The following SSX2IP variants were observed in gnomAD, a reference collection of about 807,000 sequenced individuals.
SSX2IP encodes afadin- and alpha-actinin-binding protein.
In SSX2IP, 55 loss-of-function variants were observed where a neutral mutation model predicts 84.9. That is an observed-to-expected ratio of 0.65 (90% confidence interval 0.52 to 0.81). SSX2IP has a LOEUF of 0.81. Among genes scored for constraint, SSX2IP ranks in the 30% least tolerant of loss-of-function variants. The pLI is 0.00. For synonymous variants in SSX2IP, 239 were observed against 234.7 expected (o/e 1.02, Z -0.17); for missense variants, 664 against 705.2 (o/e 0.94, Z 0.66).
chr1:84,668,195 G>GA (rs1255349248), intron 4 of SSX2IP, among the ~76,000 whole-genome samples: 1 of 152,098 alleles, frequency 6.6e-6, no homozygotes, highest in African/African-American at 2.4e-5. Flanking sequence ...ACCACTCCTT[G>GA]AAGTAAAGGC....
chr1:84,665,238 T>C (rs1338636769), intron 5 of SSX2IP, among the ~76,000 whole-genome samples: 1 of 152,162 alleles, frequency 6.6e-6, no homozygotes, highest in African/African-American at 2.4e-5. Context: ...CGTTTAAATA[T>C]AATCAACAGA....
intron 1 of SSX2IP, 74 bp from the exon 2 acceptor site, chr1:84,671,382 A>G (rs1175550005): frequency 2.3e-6 from 3 of 1,285,252 alleles, no homozygotes; most frequent in Non-Finnish European, 3.0e-6. Flanking sequence ...ATGCTTAAGA[A>G]TTAGTTGTAT....
chr1:84,688,167 C>A (rs1656052666), intron 1 of SSX2IP, among the ~76,000 whole-genome samples: 1 of 152,172 alleles, frequency 6.6e-6, no homozygotes, highest in African/African-American at 2.4e-5. Context: ...CATTGGCCCA[C>A]AATCAAAAGG....
intron 1 of SSX2IP, among the ~76,000 whole-genome samples, chr1:84,673,253 C>A (rs2102463763): frequency 6.6e-6 from 1 of 152,220 alleles, no homozygotes; most frequent in Admixed American, 6.5e-5. Flanking sequence ...GCATCTAGAT[C>A]AGTGAGAAAA....
chr1:84,667,617 A>G (rs746949470), intron 4 of SSX2IP, among the ~76,000 whole-genome samples: 129 of 152,060 alleles, frequency 8.5e-4, no homozygotes, highest in African/African-American at 3.0e-3. Flanking sequence ...CTTTTACACC[A>G]TCAGGAGATG....
intron 11 of SSX2IP, among the ~76,000 whole-genome samples, chr1:84,654,315 A>G (rs1202953850): frequency 6.6e-6 from 1 of 152,200 alleles, no homozygotes; most frequent in East Asian, 1.9e-4. Context: ...TAACACAGGT[A>G]TATTACAATC....
At chr1:84,683,016 G>C (rs985389824) in intron 1 of SSX2IP, among the ~76,000 whole-genome samples, 1 of 152,056 alleles carries the variant, frequency 6.6e-6, no homozygotes, top group Non-Finnish European at 1.5e-5. Flanking sequence ...CTGAAGCCTG[G>C]AGTTTTCTTG....
At position 84,643,913 on chromosome 1, in the gene SSX2IP, T is replaced by C. The variant is rs1303509985; in HGVS notation, c.*3520A>G. On this transcript the variant is annotated 3_prime_UTR_variant, in exon 14 of 14. Coordinates refer to ENST00000342203, the MANE Select transcript of SSX2IP (RefSeq NM_001166293.2). ...AAAAAAACCTCAACCAGTCATTTGA[T>C]TTCATATAAATCAAATAATTTAATC... The C allele has an allele frequency of 6.6e-6, 1 of 152,184 alleles. No individual in the cohort carries two copies. The highest frequency in any genetic ancestry group is 1.5e-5 in the Non-Finnish European group (1 of 68,036). The allele number at this position is 152,184 out of a possible 1,614,324, so 9.4% of individuals were successfully genotyped here.
At chr1:84,673,720 C>T (rs1194967310) in intron 1 of SSX2IP, among the ~76,000 whole-genome samples, 2 of 152,012 alleles carry the variant, frequency 1.3e-5, no homozygotes, top group Non-Finnish European at 2.9e-5. Flanking sequence ...GGAGACAGAA[C>T]CTTCAGAACT....
Position 84,643,809 on chromosome 1 carries a change from ATCTT to A in SSX2IP, c.*3620_*3623del, listed in dbSNP as rs1391930939. The A allele has an allele frequency of 2.6e-5, 4 of 152,150 alleles. No homozygotes were observed. The highest frequency in any genetic ancestry group is 5.9e-5 in the Non-Finnish European group (4 of 68,030). The allele number at this position is 152,150 out of a possible 1,614,324, so 9.4% of individuals were successfully genotyped here. On this transcript the variant is annotated 3_prime_UTR_variant, in exon 14 of 14. Transcript: ENST00000342203. ...AAGCTCAAATATATGAATGAGGTGG[ATCTT>A]TATCAGGAGCTTCATATGTCACTGA... is the stretch of plus-strand genomic sequence containing the variant.
At chr1:84,685,233 G>C (rs190480340) in intron 1 of SSX2IP, among the ~76,000 whole-genome samples, 227 of 152,270 alleles carry the variant, frequency 1.5e-3, no homozygotes, top group Middle Eastern at 3.4e-3. Context: ...GCCAACTCAG[G>C]GGTTAAAATG....
At position 84,644,978 on chromosome 1, in the gene SSX2IP, G is replaced by A. The variant is rs1005394658; in HGVS notation, c.*2455C>T. The A allele has an allele frequency of 6.6e-6, 1 of 152,094 alleles. No homozygotes were observed. The highest frequency in any genetic ancestry group is 1.5e-5 in the Non-Finnish European group (1 of 68,034). The allele number at this position is 152,094 out of a possible 1,614,324, so 9.4% of individuals were successfully genotyped here. A position where few individuals can be genotyped will look rare whatever the true frequency, so the allele number is the denominator to read the frequency against. ...AGACTGCAGATGCAAACATTTAATG[G>A]TGAACAAAATGTTTATCTCAATTTT... On this transcript the variant is annotated 3_prime_UTR_variant, in exon 14 of 14. Transcript: ENST00000342203.
chr1:84,688,975 G>GT (rs966182574), intron 1 of SSX2IP, among the ~76,000 whole-genome samples: 5 of 152,188 alleles, frequency 3.3e-5, no homozygotes, highest in Non-Finnish European at 7.3e-5. Context: ...TCAAAGAACC[G>GT]TTTTGTTTGA....
intron 1 of SSX2IP, among the ~76,000 whole-genome samples, chr1:84,688,824 T>TA (rs534794534): frequency 1.5e-3 from 235 of 152,364 alleles, no homozygotes; most frequent in African/African-American, 5.4e-3. Flanking sequence ...TCACCCATGT[T>TA]ACGTAATCCA....
At chr1:84,688,908 G>A (rs1431867724) in intron 1 of SSX2IP, among the ~76,000 whole-genome samples, 3 of 152,160 alleles carry the variant, frequency 2.0e-5, no homozygotes, top group Non-Finnish European at 4.4e-5. Context: ...TGGCCTAAGA[G>A]GTTCAGCCAG....
intron 1 of SSX2IP, among the ~76,000 whole-genome samples, chr1:84,685,183 G>T (rs1299314034): frequency 6.6e-6 from 1 of 152,136 alleles, no homozygotes; most frequent in Non-Finnish European, 1.5e-5. Flanking sequence ...AGTCAGTTTG[G>T]CTGTGGAGGC....
intron 1 of SSX2IP, among the ~76,000 whole-genome samples, chr1:84,678,365 T>C (rs1021008828): frequency 2.6e-5 from 4 of 152,174 alleles, no homozygotes; most frequent in African/African-American, 7.2e-5. Context: ...TGCTTCCTTC[T>C]TGCACGTATT....
intron 11 of SSX2IP, among the ~76,000 whole-genome samples, chr1:84,653,714 C>T (rs1650665654): frequency 6.6e-6 from 1 of 152,172 alleles, no homozygotes; most frequent in Non-Finnish European, 1.5e-5. Flanking sequence ...ACAAGCAACA[C>T]ACAGTCTTTC....
At chr1:84,653,252 A>G (rs1269977206) in intron 11 of SSX2IP, among the ~76,000 whole-genome samples, 1 of 152,190 alleles carries the variant, frequency 6.6e-6, no homozygotes, top group Non-Finnish European at 1.5e-5. Flanking sequence ...AATAATCTAT[A>G]TTGTAAATTA....
Sources: allele counts gnomAD v4.1 joint callset (sites outside exome capture counted in the v4.1 genomes callset), GRCh38; gene constraint gnomAD v4.1.1; transcripts MANE v1.5; gene names NCBI Gene and HGNC (gene_info 2026-07-23, HGNC 2026-07-21).